ZNF362: variants seen among roughly 807,000 people sequenced by gnomAD.
ZNF362 encodes the protein zinc finger protein 362.
In ZNF362, 11 loss-of-function variants were observed where a neutral mutation model predicts 42.9. The observed-to-expected ratio is 0.26, with a 90% CI of 0.16 to 0.42. The LOEUF (loss-of-function observed/expected upper bound fraction) is 0.42. Among genes scored for constraint, ZNF362 ranks in the 20% least tolerant of loss-of-function variants. The pLI, the probability that ZNF362 is intolerant of heterozygous loss-of-function variation, is 1.00. For missense variants in ZNF362, 362 were observed against 576.2 expected (o/e 0.63, Z 3.81); for synonymous variants, 255 against 257.3 (o/e 0.99, Z 0.09).
chr1:33,205,816 T>C, the ZNF362 span, among the ~76,000 whole-genome samples: 2 of 151,898 alleles, frequency 1.3e-5, no homozygotes, highest in African/African-American at 4.8e-5. Flanking sequence ...CTTGGGAGGC[T>C]GAAGCAGGAG....
At chr1:33,221,475 G>A in the ZNF362 span, among the ~76,000 whole-genome samples, 1 of 152,188 alleles carries the variant, frequency 6.6e-6, no homozygotes, top group Non-Finnish European at 1.5e-5. Flanking sequence ...TACCCACAGG[G>A]TTGCTGCCGT....
chr1:33,270,400 C>T (rs1570388951), intron 1 of ZNF362, 87 bp from the exon 2 acceptor site: 5 of 579,110 alleles, frequency 8.6e-6, no homozygotes, highest in Non-Finnish European at 1.3e-5. Context: ...ATGACATATT[C>T]AACACATAGA....
chr1:33,173,582 C>T, the ZNF362 span, among the ~76,000 whole-genome samples: 1 of 152,122 alleles, frequency 6.6e-6, no homozygotes, highest in Non-Finnish European at 1.5e-5. Context: ...GTGTGCTCAC[C>T]TCCATGCCTG....
chr1:33,171,392 AG>A, the ZNF362 span, among the ~76,000 whole-genome samples: 1 of 152,094 alleles, frequency 6.6e-6, no homozygotes, highest in African/African-American at 2.4e-5. Context: ...CATCTCACAG[AG>A]GGGGAAATTG....
the ZNF362 span, among the ~76,000 whole-genome samples, chr1:33,169,044 C>T: frequency 1.3e-5 from 2 of 152,280 alleles, no homozygotes; most frequent in South Asian, 4.2e-4. Flanking sequence ...CACTCATTTG[C>T]CCATTCCACA....
At chr1:33,297,036 C>T (rs1409995982) in intron 8 of ZNF362, among the ~76,000 whole-genome samples, 1 of 152,072 alleles carries the variant, frequency 6.6e-6, no homozygotes, top group African/African-American at 2.4e-5. Flanking sequence ...GGGTTGTTGG[C>T]AGTACTTGTC....
chr1:33,206,032 A>G, the ZNF362 span, among the ~76,000 whole-genome samples: 1 of 152,218 alleles, frequency 6.6e-6, no homozygotes, highest in Non-Finnish European at 1.5e-5. Flanking sequence ...TGTGCAGGCC[A>G]TTCATTTGAG....
At chr1:33,183,300 T>C in the ZNF362 span, among the ~76,000 whole-genome samples, 1 of 152,258 alleles carries the variant, frequency 6.6e-6, no homozygotes, top group Non-Finnish European at 1.5e-5. Context: ...TTAAACTTTA[T>C]TGAGGTACAG....
chr1:33,181,995 C>T, the ZNF362 span: 1 of 154,274 alleles, frequency 6.5e-6, no homozygotes, highest in Admixed American at 6.4e-5. The surrounding 1 kb of genome is among the most constrained non-coding windows in gnomAD (Gnocchi z 6.5). Context: ...ACCCCTTACC[C>T]CCGCGAGCTT....
At chr1:33,182,112 A>C in the ZNF362 span, 2 of 151,962 alleles carry the variant, frequency 1.3e-5, no homozygotes, top group Non-Finnish European at 2.9e-5. Context: ...GGACCCAAGC[A>C]ACTCCGCCCC....
intron 4 of ZNF362, among the ~76,000 whole-genome samples, chr1:33,278,459 A>C (rs777805909): frequency 6.6e-6 from 1 of 152,246 alleles, no homozygotes; most frequent in Non-Finnish European, 1.5e-5. Context: ...AAGAATTTTC[A>C]TATGTTTATA....
rs1446484118 is a variant in ZNF362 at position 33,266,452 on chromosome 1, G to C, written c.-88-4035G>C. Among the ~76,000 whole-genome samples the C allele has an allele frequency of 6.6e-6, 1 of 152,216 alleles. No individual in the cohort carries two copies. ...TTAGGTGCATGGTATTAATACAAAG[G>C]TGGGGTAGGGAGAAGGCAGGGGACC... On this transcript the variant is annotated intron_variant, in intron 1 of 8. Transcript: ENST00000539719. This position sits in a 1 kb window ranked among gnomAD's most constrained non-coding sequence, Gnocchi z 4.3.
the ZNF362 span, chr1:33,164,417 G>T: frequency 6.6e-6 from 1 of 152,298 alleles, no homozygotes; most frequent in Admixed American, 6.5e-5. Context: ...GTATAGTGGG[G>T]ACTCCACCCG....
chr1:33,156,175 T>C, the ZNF362 span, among the ~76,000 whole-genome samples: 1 of 152,220 alleles, frequency 6.6e-6, no homozygotes, highest in African/African-American at 2.4e-5. Flanking sequence ...TCCTACATCC[T>C]TAATTCTGTC....
At chr1:33,242,701 C>T in the ZNF362 span, among the ~76,000 whole-genome samples, 3 of 152,168 alleles carry the variant, frequency 2.0e-5, no homozygotes, top group Non-Finnish European at 4.4e-5. Context: ...ATTAAACCCC[C>T]TGTTGTACTT....
In ZNF362 at chr1:33,287,656, G is replaced by A. The variant is rs111869111; in HGVS notation, c.908+5845G>A. Among the ~76,000 whole-genome samples, 314 of 152,294 alleles carry A rather than the reference G, an allele frequency of 2.1e-3. 6 individuals carry two copies. Among genetic ancestry groups the A allele is most frequent in the South Asian group, 0.014 (68 of 4,824 alleles). On this transcript the variant is annotated intron_variant, in intron 6 of 8. Transcript: ENST00000539719. ...TTTGTTTTTCTTTTCCTGACAGAGT[G>A]ATGTTATGTACATGCCTAATGATCA...
At chr1:33,129,607 C>A in the ZNF362 span, among the ~76,000 whole-genome samples, 1 of 152,174 alleles carries the variant, frequency 6.6e-6, no homozygotes, top group South Asian at 2.1e-4. The surrounding 1 kb of genome is among the most constrained non-coding windows in gnomAD (Gnocchi z 4.1). Flanking sequence ...ATATGTATGA[C>A]TCTTTTGTGT....
the ZNF362 span, among the ~76,000 whole-genome samples, chr1:33,144,112 A>G: frequency 6.7e-6 from 1 of 148,384 alleles, no homozygotes; most frequent in Non-Finnish European, 1.5e-5. Flanking sequence ...ACGTTGATAT[A>G]TGATTCCGCT....
chr1:33,275,459 C>T lies in ZNF362; in HGVS notation c.39-641C>T, dbSNP rs533559224. ...ACGTCGTTGTAGGTCAGATGTTGCA[C>T]GTGACATTGAACAACCACACGTGGC... On this transcript the variant is annotated intron_variant, in intron 2 of 8. Transcript: ENST00000539719. 171 of 901,426 alleles carry T rather than the reference C, an allele frequency of 1.9e-4. No homozygotes were observed. In the African/African-American group the frequency reaches 2.4e-3, roughly 13 times the overall value. 55.8% of individuals were successfully genotyped at this position (901,426 alleles called of 1,614,324 possible).
Sources: gnomAD v4.1 joint callset for allele counts (sites outside exome capture counted in the v4.1 genomes callset) on GRCh38, gnomAD v4.1.1 for gene constraint, Gnocchi (gnomAD v3.1) non-coding constraint, MANE v1.5 for transcripts, NCBI Gene and HGNC (gene_info 2026-07-23, HGNC 2026-07-21) for gene names.